The following UTP15 variants were observed in gnomAD, a reference collection of about 807,000 sequenced individuals.
UTP15 encodes U3 small nucleolar RNA-associated protein 15 homolog.
A neutral mutation model predicts 59.1 loss-of-function variants in UTP15; 5 were observed. The observed-to-expected ratio is 0.08, with a 90% CI of 0.04 to 0.18. The LOEUF (loss-of-function observed/expected upper bound fraction) is 0.18. Ranked by LOEUF, UTP15 falls within the 10% of genes least tolerant of loss-of-function variation. The pLI, the probability that UTP15 is intolerant of heterozygous loss-of-function variation, is 1.00. For missense variants in UTP15, 494 were observed against 616.7 expected (o/e 0.80, Z 2.11); for synonymous variants, 211 against 212.2 (o/e 0.99, Z 0.05).
chr5:73,577,520 G>T (rs1270917777), intron 8 of UTP15, among the ~76,000 whole-genome samples: 1 of 152,132 alleles, frequency 6.6e-6, no homozygotes, highest in African/African-American at 2.4e-5. Flanking sequence ...AATCTGATTT[G>T]GGAGAGGAAA....
At chr5:73,573,608 G>A (rs968507993) in intron 7 of UTP15, among the ~76,000 whole-genome samples, 7 of 136,494 alleles carry the variant, frequency 5.1e-5, no homozygotes, top group Non-Finnish European at 1.1e-4. Context: ...ATGACATCTC[G>A]CTCTGTTGCC....
At position 73,582,192 on chromosome 5, in the gene UTP15, A is replaced by AGT. The variant is rs1205544093; in HGVS notation, c.*2102_*2103dup. On this transcript the variant is annotated 3_prime_UTR_variant, in exon 13 of 13. Transcript: ENST00000296792. ...AGTTGATTCACTCTCGAAGTCCCTGAGTGTGAGCTCTTCATCCTAGCACTG... is the reference window on the plus strand; with the variant it reads ...AGTTGATTCACTCTCGAAGTCCCTGAGTGTGTGAGCTCTTCATCCTAGCACTG... The AGT allele has an allele frequency of 6.6e-6, 1 of 152,192 alleles. No individual in the cohort carries two copies. The highest frequency in any genetic ancestry group is 2.4e-5 in the African/African-American group (1 of 41,444). The allele number at this position is 152,192 out of a possible 1,614,324, so 9.4% of individuals were successfully genotyped here.
intron 6 of UTP15, among the ~76,000 whole-genome samples, chr5:73,570,939 A>G (rs1190466047): frequency 6.6e-6 from 1 of 152,224 alleles, no homozygotes; most frequent in Non-Finnish European, 1.5e-5. Flanking sequence ...TGATGCTACA[A>G]GGTAGTTAGC....
chr5:73,577,807 T>C (rs112513524), intron 8 of UTP15, 49 bp from the exon 9 acceptor site: 11 of 1,496,882 alleles, frequency 7.3e-6, no homozygotes, highest in African/African-American at 7.1e-5. Flanking sequence ...AAAAGTACTA[T>C]AAATTACGAG....
chr5:73,568,394 G>A (rs200389894), intron 3 of UTP15, 26 bp from the exon 4 acceptor site: 110 of 1,600,792 alleles, frequency 6.9e-5, no homozygotes, highest in Middle Eastern at 3.4e-4. Flanking sequence ...GAGCCATCTG[G>A]TGAAATACTG....
chr5:73,568,157 G>T (rs1028758773), intron 2 of UTP15, 78 bp from the exon 3 acceptor site: 4 of 1,065,340 alleles, frequency 3.8e-6, no homozygotes, highest in Non-Finnish European at 5.4e-6. Context: ...AAGAGAAACG[G>T]TCTGTAAGAA....
rs201568549 is a variant in UTP15 at position 73,577,911 on chromosome 5, A to G, written c.950A>G (p.His317Arg). The G allele has an allele frequency of 5.7e-6, 9 of 1,592,756 alleles. No individual in the cohort carries two copies. The East Asian group carries it at 6.9e-5, about 12-fold the overall frequency. The change falls in exon 9 of 13, where the codon CAT becomes CGT. Residue 317 changes from histidine (H) to arginine (R), a missense_variant. Transcript: ENST00000296792. ...ACCAATGGAATACTGAGTGTTAAAC[A>G]TCGGAAATCTGAAGCAAAGAAGGAA... ...GMTNGILSVK[H>R]RKSEAKKESL...
chr5:73,568,423 C>T lies in UTP15; in HGVS notation c.187C>T (p.His63Tyr). The change falls in exon 4 of 13, where the codon CAC becomes TAC. Residue 63 changes from histidine to tyrosine, a missense_variant. Coordinates refer to ENST00000296792, the MANE Select transcript of UTP15 (RefSeq NM_032175.4). ...NYAVTASSRIHIYGRYSQEPI... is the reference protein window; with the variant it reads ...NYAVTASSRIYIYGRYSQEPI... ...AATACTGTTTTTCATCTTGTAGATT[C>T]ACATTTATGGCCGATACTCCCAAGA... is the stretch of plus-strand genomic sequence containing the variant. 1 of 1,605,820 alleles carries T rather than the reference C, an allele frequency of 6.2e-7. No homozygotes were observed. Among genetic ancestry groups the T allele is most frequent in the Non-Finnish European group, 8.5e-7 (1 of 1,175,894 alleles).
At chr5:73,578,047 G>A (rs759040217) in intron 9 of UTP15, 42 bp downstream of exon 9, 2 of 1,563,194 alleles carry the variant, frequency 1.3e-6, no homozygotes, top group Admixed American at 4.5e-5. Context: ...GGTGAAATTT[G>A]TTAGAGTAGC....
chr5:73,572,783 C>G (rs544305025), intron 7 of UTP15, among the ~76,000 whole-genome samples, 159 bp downstream of exon 7: 10 of 152,104 alleles, frequency 6.6e-5, no homozygotes, highest in African/African-American at 2.4e-4. Context: ...CTTTTGTTTA[C>G]ATATAGCTAC....
At position 73,568,316 on chromosome 5, in the gene UTP15, G is replaced by T. The variant is rs1747840783; in HGVS notation, c.172G>T (p.Ala58Ser). The change falls in exon 3 of 13, where the codon GCT (alanine) becomes TCT (serine). Residue 58 changes from alanine to serine, a missense_variant. Ala to Ser is a moderately conservative substitution (Grantham distance 99). Transcript: ENST00000296792. ...GCCTCCATATAATTATGCTGTCACA[G>T]CTTCCTCAAGAGTAAGTATAATATT... Reference protein sequence around the residue: ...PQPPYNYAVTASSRIHIYGRY... With the variant: ...PQPPYNYAVTSSSRIHIYGRY... The T allele has an allele frequency of 6.2e-7, 1 of 1,607,534 alleles. No homozygotes were observed. The highest frequency in any genetic ancestry group is 8.5e-7 in the Non-Finnish European group (1 of 1,177,678).
chr5:73,579,460 C>T lies in UTP15; in HGVS notation c.1339+85C>T, dbSNP rs536134890. ...AATCAAATTTGGAAATCAAGTAGAT[C>T]AAAATATCTTGCTTTTATCAAATCT... On this transcript the variant is annotated intron_variant, in intron 12 of 12. Transcript: ENST00000296792. 136 of 1,034,214 alleles carry T rather than the reference C, an allele frequency of 1.3e-4. 2 individuals carry two copies. In the African/African-American group the frequency reaches 2.1e-3, roughly 16 times the overall value. 64.1% of individuals were successfully genotyped at this position (1,034,214 alleles called of 1,614,324 possible). A position where few individuals can be genotyped will look rare whatever the true frequency, so the allele number is the denominator to read the frequency against.
chr5:73,574,616 T>C (rs995825914), intron 7 of UTP15, among the ~76,000 whole-genome samples: 1 of 151,928 alleles, frequency 6.6e-6, no homozygotes, highest in Non-Finnish European at 1.5e-5. Flanking sequence ...GCTTCCTCAG[T>C]AGCTGGGACC....
chr5:73,576,988 A>G lies in UTP15; in HGVS notation c.846A>G (p.Val282=). ...VKVYSTTSYK[V]VHSFDYAASI... ...TATACAGCACAACTTCCTACAAAGT[A>G]GTCCACAGTTTTGATTATGCAGCTT... Residue 282 remains valine, a synonymous_variant, in exon 8 of 13, where the codon GTA becomes GTG. Coordinates refer to ENST00000296792, the MANE Select transcript of UTP15 (RefSeq NM_032175.4). 1 of 1,610,894 alleles carries G rather than the reference A, an allele frequency of 6.2e-7. No individual in the cohort carries two copies. The highest frequency in any genetic ancestry group is 8.5e-7 in the Non-Finnish European group (1 of 1,179,232).
chr5:73,578,562 C>A, intron 9 of UTP15, 189 bp from the exon 10 acceptor site: 1 of 527,112 alleles, frequency 1.9e-6, no homozygotes. Context: ...TAGCAAGTTA[C>A]TCCTTTTTTT....
intron 6 of UTP15, 46 bp from the exon 7 acceptor site, chr5:73,572,443 G>A (rs1243379599): frequency 6.2e-7 from 1 of 1,605,416 alleles, no homozygotes; most frequent in Non-Finnish European, 8.5e-7. Context: ...TTAATATGTT[G>A]AATCTGTGGG....
Position 73,567,447 on chromosome 5 carries a change from C to A in UTP15, c.90+13C>A. 6.4e-7 allele frequency: 1 copy of A among 1,571,370 alleles called. No individual in the cohort carries two copies. On this transcript the variant is annotated intron_variant, in intron 2 of 12. Coordinates refer to ENST00000296792, the MANE Select transcript of UTP15 (RefSeq NM_032175.4). ...GAACAACTATAAGGTGAGTGTGGGA[C>A]GTAATGAGGGAGAAGGGATTTGTGT...
rs1334456400 is a variant in UTP15 at position 73,567,236 on chromosome 5, TG to T, written c.-83-25del. On this transcript the variant is annotated intron_variant, in intron 1 of 12. Coordinates refer to ENST00000296792, the MANE Select transcript of UTP15 (RefSeq NM_032175.4). Reference sequence around the variant, plus strand: ...CAACTATGTGTACAAGCTTATAATATGTATATAAAATATTTTATTTTTCAGA... The same window carrying T: ...CAACTATGTGTACAAGCTTATAATATTATATAAAATATTTTATTTTTCAGA... 7 of 592,888 alleles carry T rather than the reference TG, an allele frequency of 1.2e-5. No homozygotes were observed. The East Asian group carries it at 2.3e-4, about 19-fold the overall frequency. The allele number at this position is 592,888 out of a possible 1,614,324, so 36.7% of individuals were successfully genotyped here.
At chr5:73,568,734 G>C (rs1410536388) in intron 4 of UTP15, 130 bp downstream of exon 4, 12 of 863,812 alleles carry the variant, frequency 1.4e-5, no homozygotes, top group Non-Finnish European at 2.0e-5. Context: ...TATATTTCCT[G>C]ATTGTTCTAA....
Sources: gnomAD v4.1 joint callset for allele counts (sites outside exome capture counted in the v4.1 genomes callset) on GRCh38, gnomAD v4.1.1 for gene constraint, MANE v1.5 for transcripts, NCBI Gene and HGNC (gene_info 2026-07-23, HGNC 2026-07-21) for gene names.